The following RTRAF variants were observed in gnomAD, a reference collection of about 807,000 sequenced individuals.
RTRAF encodes RNA transcription, translation and transport factor.
In RTRAF, 14 loss-of-function variants were observed where a neutral mutation model predicts 34.4. That is an observed-to-expected ratio of 0.41 (90% CI 0.27 to 0.64). The LOEUF is 0.64. Ranked by LOEUF, RTRAF falls within the 30% of genes least tolerant of loss-of-function variation. The probability of loss-of-function intolerance (pLI) is 0.34; values close to 1 mark genes in which losing one functional copy is unlikely to be tolerated. For synonymous variants in RTRAF, 96 were observed against 95.3 expected, an observed-to-expected ratio of 1.01 and a Z score of -0.04; for missense variants, 291 against 288.4, an observed-to-expected ratio of 1.01 and a Z score of -0.06.
chr14:51,992,553 T>G (rs1042611687), intron 2 of RTRAF, among the ~76,000 whole-genome samples: 3 of 152,242 alleles, frequency 2.0e-5, no homozygotes, highest in African/African-American at 7.2e-5. Flanking sequence ...ATACTACTAC[T>G]ATTAATACTA....
chr14:51,998,499 A>G lies in RTRAF; in HGVS notation c.292A>G (p.Lys98Glu). Residue 98 changes from lysine (K) to glutamate (E), a missense_variant, in exon 4 of 8, where the codon AAA becomes GAA. Lys to Glu is a moderately conservative substitution (Grantham distance 56). Transcript: ENST00000261700. ...ATTTTTGCCTGTTTTTATAGCTGAA[A>G]AATACAAGGATTTAGTACCTGATAA... Reference protein sequence around the residue: ...VRLEYGDNAEKYKDLVPDNSK... With the variant: ...VRLEYGDNAEEYKDLVPDNSK... 1 of 1,546,222 alleles carries G rather than the reference A, an allele frequency of 6.5e-7. No homozygotes were observed. The highest frequency in any genetic ancestry group is 8.7e-7 in the Non-Finnish European group (1 of 1,144,464).
At chr14:51,993,544 A>G in intron 2 of RTRAF, among the ~76,000 whole-genome samples, 179 bp from the exon 3 acceptor site, 1 of 152,120 alleles carries the variant, frequency 6.6e-6, no homozygotes, top group East Asian at 1.9e-4. Context: ...TTTTTTTCTT[A>G]AGATGATACA....
In RTRAF at chr14:52,005,726, A is replaced by T; in HGVS notation, c.*1210A>T. 1.2e-6 allele frequency: 2 copies of T among 1,601,030 alleles called. No individual in the cohort carries two copies. The highest frequency in any genetic ancestry group is 1.1e-5 in the South Asian group (1 of 90,786). ...CTAATTTAAAGGAGCATCCTAAAGC[A>T]TACTTTTTACCTGTTGGGCAGTAGG... On this transcript the variant is annotated 3_prime_UTR_variant, in exon 8 of 8. Transcript: ENST00000261700.
At chr14:51,992,344 A>AATCAGTG (rs1415510548) in intron 2 of RTRAF, among the ~76,000 whole-genome samples, 4 of 152,232 alleles carry the variant, frequency 2.6e-5, no homozygotes, top group African/African-American at 4.8e-5. Context: ...TTCTCCCTAG[A>AATCAGTG]ATCAGTGATT....
At chr14:51,996,655 A>G (rs550799433) in intron 3 of RTRAF, among the ~76,000 whole-genome samples, 3 of 152,168 alleles carry the variant, frequency 2.0e-5, no homozygotes, top group East Asian at 1.9e-4. Flanking sequence ...ATAGTAAATT[A>G]TAGATGATTC....
chr14:51,991,178 C>T (rs962004360), intron 1 of RTRAF, 139 bp from the exon 2 acceptor site: 2 of 832,974 alleles, frequency 2.4e-6, no homozygotes, highest in Non-Finnish European at 3.7e-6. Context: ...TCTGTACTTT[C>T]AACTCCCTCT....
rs545516556 is a variant in RTRAF, at chr14:52,005,010, TG to T, written c.*495del. On this transcript the variant is annotated 3_prime_UTR_variant, in exon 8 of 8. Transcript: ENST00000261700. ...CAGAGGTAAAAAATCTTAGAACTTT[TG>T]TTGGGAAACTATAAATAATTGGTCC... 1.3e-3 allele frequency: 199 copies of T among 157,456 alleles called. No individual in the cohort carries two copies. The highest frequency in any genetic ancestry group is 2.2e-3 in the Non-Finnish European group (156 of 71,548). The allele number at this position is 157,456 out of a possible 1,614,324, so 9.8% of individuals were successfully genotyped here.
At position 52,004,625 on chromosome 14, in the gene RTRAF, A is replaced by ATTGGGTATGTTCTAGAGATT; in HGVS notation, c.*111_*130dup. 1 of 1,104,162 alleles carries ATTGGGTATGTTCTAGAGATT rather than the reference A, an allele frequency of 9.1e-7. No homozygotes were observed. Among genetic ancestry groups the ATTGGGTATGTTCTAGAGATT allele is most frequent in the Non-Finnish European group, 1.3e-6 (1 of 781,528 alleles). The allele number at this position is 1,104,162 out of a possible 1,614,324, so 68.4% of individuals were successfully genotyped here. A position where few individuals can be genotyped will look rare whatever the true frequency, so the allele number is the denominator to read the frequency against. ...ATTCTCGGGGGAGGAAGCCCAGAAA[A>ATTGGGTATGTTCTAGAGATT]TTGGGTATGTTCTAGAGATTTACCA... On this transcript the variant is annotated 3_prime_UTR_variant, in exon 8 of 8. Coordinates refer to ENST00000261700, the MANE Select transcript of RTRAF (RefSeq NM_016039.3).
In RTRAF at chr14:52,005,578, G is replaced by GTGTATAAACTAGGTAGATTT. The variant is rs1890741646; in HGVS notation, c.*1063_*1082dup. ...TTGCAACAGCAAGTCTTTGCATTTTGTGTATAAACTAGGTAGATTTAAGGT... is the reference window on the plus strand; with the variant it reads ...TTGCAACAGCAAGTCTTTGCATTTTGTGTATAAACTAGGTAGATTTTGTATAAACTAGGTAGATTTAAGGT... On this transcript the variant is annotated 3_prime_UTR_variant, in exon 8 of 8. Coordinates refer to ENST00000261700, the MANE Select transcript of RTRAF (RefSeq NM_016039.3). 6 of 1,514,498 alleles carry GTGTATAAACTAGGTAGATTT rather than the reference G, an allele frequency of 4.0e-6. No individual in the cohort carries two copies. In the Admixed American group the frequency reaches 9.1e-5, roughly 23 times the overall value. 93.8% of individuals were successfully genotyped at this position (1,514,498 alleles called of 1,614,324 possible).
At position 52,005,970 on chromosome 14, in the gene RTRAF, C is replaced by T. The variant is rs1191721772; in HGVS notation, c.*1454C>T. On this transcript the variant is annotated 3_prime_UTR_variant, in exon 8 of 8. Transcript: ENST00000261700. ...TCTGGCAGCCTTCTCTGTCCCAGGGCTGGTGCTAAAGCCATACTGAAGTTT... is the reference window on the plus strand; with the variant it reads ...TCTGGCAGCCTTCTCTGTCCCAGGGTTGGTGCTAAAGCCATACTGAAGTTT... The T allele has an allele frequency of 5.7e-6, 4 of 702,138 alleles. No individual in the cohort carries two copies. The highest frequency in any genetic ancestry group is 1.0e-5 in the Non-Finnish European group (4 of 394,212). The allele number at this position is 702,138 out of a possible 1,614,324, so 43.5% of individuals were successfully genotyped here.
In RTRAF at chr14:52,007,996, GA is replaced by G. The variant is rs1566739066; in HGVS notation, c.*3482del. 6.3e-7 allele frequency: 1 copy of G among 1,583,132 alleles called. No homozygotes were observed. The highest frequency in any genetic ancestry group is 1.4e-5 in the African/African-American group (1 of 73,524). On this transcript the variant is annotated 3_prime_UTR_variant, in exon 8 of 8. Coordinates refer to ENST00000261700, the MANE Select transcript of RTRAF (RefSeq NM_016039.3). ...TAAGTTAAAAATCAAGATTGTAAAA[GA>G]ATAGCCATGTAGCCTGTGGTAGGCA...
intron 5 of RTRAF, among the ~76,000 whole-genome samples, chr14:52,000,188 T>C (rs1420429940): frequency 6.6e-6 from 1 of 152,104 alleles, no homozygotes; most frequent in African/African-American, 2.4e-5. Context: ...TACTTCTGTT[T>C]AGTTAGTCTT....
Position 52,008,119 on chromosome 14 carries a change from T to G in RTRAF, c.*3603T>G, listed in dbSNP as rs7156220. 5,801 of 604,880 alleles carry G rather than the reference T, an allele frequency of 9.6e-3. 91 individuals are homozygous for G. The highest frequency in any genetic ancestry group is 0.053 in the Middle Eastern group (174 of 3,298). 37.5% of individuals were successfully genotyped at this position (604,880 alleles called of 1,614,324 possible). On this transcript the variant is annotated 3_prime_UTR_variant, in exon 8 of 8. Transcript: ENST00000261700. ...GCTGCATTAGTAGTGTCTTGCTTCT[T>G]CTAGTGCATAGAGTATAGCAGAAGT... is the stretch of plus-strand genomic sequence containing the variant.
At chr14:52,004,172 T>A in intron 6 of RTRAF, 22 bp from the exon 7 acceptor site, 1 of 1,599,906 alleles carries the variant, frequency 6.3e-7, no homozygotes, top group Non-Finnish European at 8.6e-7. Flanking sequence ...AATACTCTCA[T>A]TTTGTCTTTC....
intron 1 of RTRAF, 93 bp downstream of exon 1, chr14:51,989,793 C>T (rs1469204067): frequency 1.6e-5 from 21 of 1,348,982 alleles, no homozygotes; most frequent in East Asian, 2.8e-5. Context: ...TCGGGACCCT[C>T]GGCGGCCTGG....
At position 52,005,979 on chromosome 14, in the gene RTRAF, A is replaced by C. The variant is rs1890763460; in HGVS notation, c.*1463A>C. 5 of 667,282 alleles carry C rather than the reference A, an allele frequency of 7.5e-6. No individual in the cohort carries two copies. Among genetic ancestry groups the C allele is most frequent in the Non-Finnish European group, 1.3e-5 (5 of 370,782 alleles). The allele number at this position is 667,282 out of a possible 1,614,324, so 41.3% of individuals were successfully genotyped here. A position where few individuals can be genotyped will look rare whatever the true frequency, so the allele number is the denominator to read the frequency against. On this transcript the variant is annotated 3_prime_UTR_variant, in exon 8 of 8. Transcript: ENST00000261700. ...CTTCTCTGTCCCAGGGCTGGTGCTAAAGCCATACTGAAGTTTGAAGACCAT... is the reference window on the plus strand; with the variant it reads ...CTTCTCTGTCCCAGGGCTGGTGCTACAGCCATACTGAAGTTTGAAGACCAT...
intron 1 of RTRAF, among the ~76,000 whole-genome samples, chr14:51,990,429 T>G (rs1890414457): frequency 1.3e-5 from 2 of 152,236 alleles, no homozygotes; most frequent in Non-Finnish European, 2.9e-5. Context: ...GATAGACTGG[T>G]AAGTTTGAAA....
At position 52,008,695 on chromosome 14, in the gene RTRAF, G is replaced by A. The variant is rs553506175; in HGVS notation, c.*4179G>A. ...AAAACCCTCCGTTTGTTGAAGTCTT[G>A]AATTGGATCTTGGGTTTTAGAATAG... is the stretch of plus-strand genomic sequence containing the variant. On this transcript the variant is annotated 3_prime_UTR_variant, in exon 8 of 8. Coordinates refer to ENST00000261700, the MANE Select transcript of RTRAF (RefSeq NM_016039.3). 1 of 152,272 alleles carries A rather than the reference G, an allele frequency of 6.6e-6. No homozygotes were observed. Among genetic ancestry groups the A allele is most frequent in the East Asian group, 1.9e-4 (1 of 5,184 alleles). The allele number at this position is 152,272 out of a possible 1,614,324, so 9.4% of individuals were successfully genotyped here. A position where few individuals can be genotyped will look rare whatever the true frequency, so the allele number is the denominator to read the frequency against.
chr14:52,002,251 A>G (rs113353038), intron 6 of RTRAF, among the ~76,000 whole-genome samples: 22 of 152,330 alleles, frequency 1.4e-4, no homozygotes, highest in African/African-American at 5.1e-4. Context: ...TTTTCTATCT[A>G]AATTCTATCC....
Sources: allele counts gnomAD v4.1 joint callset (sites outside exome capture counted in the v4.1 genomes callset), GRCh38; gene constraint gnomAD v4.1.1; transcripts MANE v1.5; gene names NCBI Gene and HGNC (gene_info 2026-07-23, HGNC 2026-07-21).